Variants in FAM120B observed in about 807,000 individuals in gnomAD.
The protein encoded by FAM120B is family with sequence similarity 120 member B.
FAM120B carries 83 observed loss-of-function variants against 96.3 expected under a neutral mutation model. The observed-to-expected ratio is 0.86, with a 90% CI of 0.72 to 1.03. FAM120B has a LOEUF of 1.03. Ranked by LOEUF, FAM120B falls within the 50% of genes least tolerant of loss-of-function variation. The probability of loss-of-function intolerance (pLI) is 0.00; values close to 1 mark genes in which losing one functional copy is unlikely to be tolerated. For missense variants in FAM120B, 1,027 were observed against 1,121.2 expected (o/e 0.92, Z 1.20); for synonymous variants, 407 against 402.7 (o/e 1.01, Z -0.13).
chr6:170,393,614 C>A (rs1046357981), intron 8 of FAM120B, among the ~76,000 whole-genome samples: 1 of 152,194 alleles, frequency 6.6e-6, no homozygotes, highest in Admixed American at 6.5e-5. Flanking sequence ...GGAAACTGTT[C>A]CCTTTTTTGT....
chr6:170,369,902 A>G (rs1457972836), intron 6 of FAM120B, among the ~76,000 whole-genome samples: 2 of 152,174 alleles, frequency 1.3e-5, no homozygotes, highest in Non-Finnish European at 2.9e-5. Context: ...GAATATGTCC[A>G]TAAATCTTAT....
intron 6 of FAM120B, among the ~76,000 whole-genome samples, chr6:170,373,557 G>GT (rs1196549359): frequency 6.6e-6 from 1 of 152,174 alleles, no homozygotes; most frequent in African/African-American, 2.4e-5. Context: ...TAAATTAGTT[G>GT]TTTTTTCTGT....
intron 6 of FAM120B, among the ~76,000 whole-genome samples, chr6:170,372,658 G>A (rs1349214844): frequency 6.6e-6 from 1 of 152,154 alleles, no homozygotes; most frequent in African/African-American, 2.4e-5. Flanking sequence ...CTGGGTTGGT[G>A]GGTTCTGCCC....
At position 170,404,771 on chromosome 6, in the gene FAM120B, T is replaced by C. The variant is rs551759946; in HGVS notation, c.*20T>C. 837 of 618,772 alleles carry C rather than the reference T, an allele frequency of 1.4e-3. 3 individuals carry two copies. The highest frequency in any genetic ancestry group is 2.1e-3 in the Non-Finnish European group (736 of 351,916). 38.3% of individuals were successfully genotyped at this position (618,772 alleles called of 1,614,324 possible). ...ACTCTTGCTTCCTCCAGAAAGAGTA[T>C]GGAGAGAAAAAGAGGCACACCTGGA... is the stretch of plus-strand genomic sequence containing the variant. On this transcript the variant is annotated 3_prime_UTR_variant, in exon 11 of 11. Transcript: ENST00000476287.
At chr6:170,308,044 C>T (rs2114991766) in intron 1 of FAM120B, among the ~76,000 whole-genome samples, 1 of 152,224 alleles carries the variant, frequency 6.6e-6, no homozygotes, top group African/African-American at 2.4e-5. Flanking sequence ...TGTTTTTGAC[C>T]TTTCTCTGGC....
chr6:170,393,886 C>G (rs1356862545), intron 8 of FAM120B, among the ~76,000 whole-genome samples: 2 of 151,876 alleles, frequency 1.3e-5, no homozygotes, highest in Non-Finnish European at 2.9e-5. Flanking sequence ...TTCCACGGGC[C>G]GCACAGCCAG....
At chr6:170,300,092 T>TTA (rs1232578940) in intron 1 of FAM120B, among the ~76,000 whole-genome samples, 13 of 152,242 alleles carry the variant, frequency 8.5e-5, no homozygotes, top group African/African-American at 3.1e-4. Context: ...TTGTTACCTG[T>TTA]ATTAGTCTGT....
intron 5 of FAM120B, among the ~76,000 whole-genome samples, chr6:170,351,343 G>A (rs952200128): frequency 2.6e-5 from 4 of 152,160 alleles, no homozygotes; most frequent in Non-Finnish European, 4.4e-5. Context: ...AAAGAGATGG[G>A]GAGAACGGAA....
At position 170,366,634 on chromosome 6, in the gene FAM120B, T is replaced by C. The variant is rs376274279; in HGVS notation, c.2283+8316T>C. Among the ~76,000 whole-genome samples the C allele has an allele frequency of 7.2e-5, 11 of 152,186 alleles. No individual in the cohort carries two copies. In the South Asian group the frequency reaches 2.3e-3, roughly 32 times the overall value. On this transcript the variant is annotated intron_variant, in intron 6 of 10. Coordinates refer to ENST00000476287, the MANE Select transcript of FAM120B (RefSeq NM_032448.3). ...GAGAGCTCAGGGCCAGCATGGTCTCTGGTGTGGGGTGAATGGGGGTTGAGA... is the reference window on the plus strand; with the variant it reads ...GAGAGCTCAGGGCCAGCATGGTCTCCGGTGTGGGGTGAATGGGGGTTGAGA...
intron 2 of FAM120B, among the ~76,000 whole-genome samples, chr6:170,321,329 A>G (rs114167836): frequency 0.011 from 1,735 of 152,314 alleles, 22 homozygotes; most frequent in African/African-American, 0.036. Flanking sequence ...TACATTGGAT[A>G]CACGCATAAC....
chr6:170,327,539 G>C (rs1327007545), intron 3 of FAM120B, among the ~76,000 whole-genome samples: 2 of 152,162 alleles, frequency 1.3e-5, no homozygotes, highest in African/African-American at 4.8e-5. Context: ...GCACACGGAG[G>C]CTGCTCCGGT....
chr6:170,302,409 G>GA (rs1438297904), upstream of FAM120B, among the ~76,000 whole-genome samples: 1 of 152,230 alleles, frequency 6.6e-6, no homozygotes, highest in Non-Finnish European at 1.5e-5. Flanking sequence ...TTCAAGATGA[G>GA]ATTTGGGTGG....
intron 6 of FAM120B, among the ~76,000 whole-genome samples, chr6:170,361,182 C>CTATATATATATACATATATA (rs1554286307): frequency 2.6e-5 from 2 of 75,520 alleles, no homozygotes; most frequent in East Asian, 6.1e-4. Flanking sequence ...AGCCTTAAAA[C>CTATATATATATACATATATA]TATATATATA....
intron 6 of FAM120B, among the ~76,000 whole-genome samples, chr6:170,368,025 A>G (rs929680027): frequency 1.3e-5 from 2 of 152,182 alleles, no homozygotes; most frequent in African/African-American, 2.4e-5. Context: ...TTTCCAGTTG[A>G]CATAATAATT....
chr6:170,313,043 G>A (rs1223304287), intron 1 of FAM120B, among the ~76,000 whole-genome samples: 1 of 152,192 alleles, frequency 6.6e-6, no homozygotes, highest in Non-Finnish European at 1.5e-5. Flanking sequence ...CAAGATGAGA[G>A]TCTTTATCGG....
intron 5 of FAM120B, among the ~76,000 whole-genome samples, chr6:170,353,993 G>A (rs546728553): frequency 3.9e-5 from 6 of 152,316 alleles, no homozygotes; most frequent in African/African-American, 1.4e-4. Flanking sequence ...GGCAAAGCTG[G>A]AGGCATCATG....
At chr6:170,349,744 C>T (rs1045167397) in intron 5 of FAM120B, among the ~76,000 whole-genome samples, 4 of 152,148 alleles carry the variant, frequency 2.6e-5, no homozygotes, top group Admixed American at 6.6e-5. Flanking sequence ...GAAGCAGCTG[C>T]GGTCCGTGGC....
chr6:170,293,745 T>G (rs879770866), upstream of FAM120B, among the ~76,000 whole-genome samples: 2 of 151,514 alleles, frequency 1.3e-5, no homozygotes, highest in Non-Finnish European at 2.9e-5. Flanking sequence ...CTTCTTCTCC[T>G]TCTTCCTCTC....
chr6:170,372,200 A>T (rs1789239739), intron 6 of FAM120B, among the ~76,000 whole-genome samples: 1 of 152,192 alleles, frequency 6.6e-6, no homozygotes, highest in East Asian at 1.9e-4. Context: ...AGTTTTAATT[A>T]AAATTTTTTT....
Sources: gnomAD v4.1 joint callset for allele counts (sites outside exome capture counted in the v4.1 genomes callset) on GRCh38, gnomAD v4.1.1 for gene constraint, MANE v1.5 for transcripts, NCBI Gene and HGNC (gene_info 2026-07-23, HGNC 2026-07-21) for gene names.